The following TAX1BP1 variants were observed in gnomAD, a reference collection of about 807,000 sequenced individuals.
The protein encoded by TAX1BP1 is Tax1 binding protein 1, also known as tax1-binding protein 1.
A neutral mutation model predicts 97.7 loss-of-function variants in TAX1BP1; 62 were observed. The observed-to-expected ratio is 0.63, with a 90% CI of 0.52 to 0.78. TAX1BP1 has a LOEUF of 0.78. Among genes scored for constraint, TAX1BP1 ranks in the 30% least tolerant of loss-of-function variants. The pLI is 0.00. For synonymous variants in TAX1BP1, 340 were observed against 304.2 expected, an observed-to-expected ratio of 1.12 and a Z score of -1.23; for missense variants, 867 against 916.1, an observed-to-expected ratio of 0.95 and a Z score of 0.69.
In TAX1BP1 at chr7:27,758,055, TATTAC is replaced by T; in HGVS notation, c.189_193del (p.Tyr64ValfsTer8). The T allele has an allele frequency of 6.2e-7, 1 of 1,612,106 alleles. No individual in the cohort carries two copies. The highest frequency in any genetic ancestry group is 8.5e-7 in the Non-Finnish European group (1 of 1,179,112). On this transcript the variant is annotated frameshift_variant, in exon 3 of 17. Coordinates refer to ENST00000396319, the MANE Select transcript of TAX1BP1 (RefSeq NM_006024.7). LOFTEE classifies it high-confidence loss of function. Reference sequence around the variant, plus strand: ...GGTTGGATGGAGTACTGCTCGTGATTATTACACGTTTTTATGGTCCCCTATGCCTG... The same window carrying T: ...GGTTGGATGGAGTACTGCTCGTGATTACGTTTTTATGGTCCCCTATGCCTG...
At chr7:27,817,974 GC>G (rs1393038177) in intron 15 of TAX1BP1, among the ~76,000 whole-genome samples, 2 of 152,096 alleles carry the variant, frequency 1.3e-5, no homozygotes, top group Non-Finnish European at 2.9e-5. Flanking sequence ...TCTCCCTCCT[GC>G]CTTTTGGCCT....
intron 1 of TAX1BP1, among the ~76,000 whole-genome samples, chr7:27,745,243 G>T (rs1787775158): frequency 6.6e-6 from 1 of 152,126 alleles, no homozygotes; most frequent in Non-Finnish European, 1.5e-5. Flanking sequence ...GGATGTTAGT[G>T]AAGCTACACT....
intron 5 of TAX1BP1, among the ~76,000 whole-genome samples, chr7:27,774,876 A>T (rs140735756): frequency 6.6e-6 from 1 of 152,168 alleles, no homozygotes; most frequent in Non-Finnish European, 1.5e-5. Flanking sequence ...AAGATTTTGT[A>T]TTACTAAAAC....
intron 11 of TAX1BP1, among the ~76,000 whole-genome samples, chr7:27,795,365 C>G (rs1032299175): frequency 8.6e-5 from 13 of 151,948 alleles, no homozygotes; most frequent in Non-Finnish European, 1.5e-5. Context: ...CCTAGCTACT[C>G]TGGAAGCTGT....
At chr7:27,828,560 T>C in intron 16 of TAX1BP1, 68 bp from the exon 17 acceptor site, 1 of 1,472,874 alleles carries the variant, frequency 6.8e-7, no homozygotes, top group Non-Finnish European at 9.4e-7. Context: ...TGGAACCTTG[T>C]CATATATGGA....
chr7:27,798,296 T>A (rs925746797), intron 12 of TAX1BP1, among the ~76,000 whole-genome samples: 1 of 152,144 alleles, frequency 6.6e-6, no homozygotes, highest in Non-Finnish European at 1.5e-5. Context: ...TATGGACATA[T>A]GTTTTTTTTT....
chr7:27,752,718 T>C (rs141980171), intron 2 of TAX1BP1, among the ~76,000 whole-genome samples: 1 of 152,340 alleles, frequency 6.6e-6, no homozygotes, highest in African/African-American at 2.4e-5. Context: ...ACATTTAACA[T>C]GTTGGGAATT....
At position 27,787,621 on chromosome 7, in the gene TAX1BP1, A is replaced by G. The variant is rs369746589; in HGVS notation, c.1038+18A>G. On this transcript the variant is annotated intron_variant, in intron 8 of 16. Coordinates refer to ENST00000396319, the MANE Select transcript of TAX1BP1 (RefSeq NM_006024.7). ...CAAGTAAAGTAAGTACTTTTGCTAT[A>G]TATATTTGAAGATTGTAAAACATAC... 25 of 1,579,372 alleles carry G rather than the reference A, an allele frequency of 1.6e-5. No homozygotes were observed. The highest frequency in any genetic ancestry group is 2.1e-5 in the Non-Finnish European group (25 of 1,165,698).
At chr7:27,758,856 A>C (rs1312703793) in intron 3 of TAX1BP1, among the ~76,000 whole-genome samples, 2 of 152,166 alleles carry the variant, frequency 1.3e-5, no homozygotes. Context: ...TTTCAGTTTT[A>C]AAAGATGAGA....
At chr7:27,746,937 C>G (rs1235176677) in intron 1 of TAX1BP1, among the ~76,000 whole-genome samples, 1 of 152,076 alleles carries the variant, frequency 6.6e-6, no homozygotes, top group Non-Finnish European at 1.5e-5. Context: ...AAAAATTTGC[C>G]TTAGTATTTC....
intron 5 of TAX1BP1, among the ~76,000 whole-genome samples, chr7:27,778,692 G>C (rs756824294): frequency 1.6e-4 from 24 of 151,854 alleles, no homozygotes; most frequent in Admixed American, 2.6e-4. Flanking sequence ...GTGAAACCTC[G>C]TCTCTACTAA....
At chr7:27,752,367 A>G (rs1788050669) in intron 2 of TAX1BP1, among the ~76,000 whole-genome samples, 1 of 152,226 alleles carries the variant, frequency 6.6e-6, no homozygotes, top group South Asian at 2.1e-4. Flanking sequence ...GTCATAGGGA[A>G]TCGGAGTGGC....
chr7:27,797,680 A>G (rs984135561), intron 12 of TAX1BP1, among the ~76,000 whole-genome samples: 2 of 152,024 alleles, frequency 1.3e-5, no homozygotes, highest in African/African-American at 4.8e-5. Context: ...GGAAGGGTTG[A>G]TTAGAACAGT....
At chr7:27,749,778 G>A (rs1263357976) in intron 2 of TAX1BP1, among the ~76,000 whole-genome samples, 1 of 152,068 alleles carries the variant, frequency 6.6e-6, no homozygotes, top group Non-Finnish European at 1.5e-5. Flanking sequence ...TATGAAATTA[G>A]GAGTAGTTTT....
intron 5 of TAX1BP1, among the ~76,000 whole-genome samples, chr7:27,784,099 G>T (rs1469562110): frequency 6.6e-6 from 1 of 152,140 alleles, no homozygotes. Context: ...AAATACTTGG[G>T]TGAGTTCTTT....
At chr7:27,810,858 C>A (rs1279889260) in intron 13 of TAX1BP1, among the ~76,000 whole-genome samples, 1 of 152,036 alleles carries the variant, frequency 6.6e-6, no homozygotes, top group Non-Finnish European at 1.5e-5. Context: ...TGTTCTGTAT[C>A]TTTTTATTTA....
At position 27,829,600 on chromosome 7, in the gene TAX1BP1, T is replaced by C. The variant is rs1486657014; in HGVS notation, c.*771T>C. On this transcript the variant is annotated 3_prime_UTR_variant, in exon 17 of 17. Transcript: ENST00000396319. The stretch of plus-strand genomic sequence containing the variant: ...AATCATAGAATATATATCAGTATCT[T>C]TTTTACATTTTCCTGATGAGAATAT... The C allele has an allele frequency of 6.6e-6, 1 of 152,098 alleles. No individual in the cohort carries two copies. Among genetic ancestry groups the C allele is most frequent in the African/African-American group, 2.4e-5 (1 of 41,364 alleles). 9.4% of individuals were successfully genotyped at this position (152,098 alleles called of 1,614,324 possible).
At chr7:27,796,432 A>G (rs919862807) in intron 12 of TAX1BP1, among the ~76,000 whole-genome samples, 1 of 152,052 alleles carries the variant, frequency 6.6e-6, no homozygotes, top group Non-Finnish European at 1.5e-5. Context: ...TAAAGTTACT[A>G]TTTTCTTTTC....
intron 13 of TAX1BP1, among the ~76,000 whole-genome samples, chr7:27,811,965 CG>C (rs1790575876): frequency 6.6e-6 from 1 of 152,126 alleles, no homozygotes; most frequent in Non-Finnish European, 1.5e-5. Context: ...AACATTCTTA[CG>C]TAAGTCTTTT....
Sources: allele counts gnomAD v4.1 joint callset (sites outside exome capture counted in the v4.1 genomes callset), GRCh38; gene constraint gnomAD v4.1.1; transcripts MANE v1.5; gene names NCBI Gene and HGNC (gene_info 2026-07-23, HGNC 2026-07-21).